Variants in MYT1L observed in about 807,000 individuals in gnomAD.
MYT1L encodes the protein myelin transcription factor 1-like protein.
In MYT1L, 12 loss-of-function variants were observed where a neutral mutation model predicts 126.7. The ratio of observed to expected loss-of-function variants is 0.09; its 90% CI spans 0.06 to 0.15. The LOEUF is 0.15. Among genes scored for constraint, MYT1L ranks in the 10% least tolerant of loss-of-function variants. The pLI, the probability that MYT1L is intolerant of heterozygous loss-of-function variation, is 1.00. For missense variants in MYT1L, 979 were observed against 1,585.2 expected (o/e 0.62, Z 6.49); for synonymous variants, 541 against 604.2 (o/e 0.90, Z 1.53).
At chr2:1,959,809 C>T (rs908015600) in intron 8 of MYT1L, among the ~76,000 whole-genome samples, 1 of 152,154 alleles carries the variant, frequency 6.6e-6, no homozygotes, top group African/African-American at 2.4e-5. Context: ...ACAGTGCAGC[C>T]ACATACGGTG....
At chr2:2,222,507 A>T (rs11694233) in intron 2 of MYT1L, among the ~76,000 whole-genome samples, 100,454 of 149,294 alleles carry the variant, frequency 0.67, 33,572 homozygotes, top group East Asian at 0.78. Context: ...AAAAAAAAAA[A>T]TTTTTTTTTG....
In MYT1L at chr2:1,842,878, C is replaced by T. The variant is rs533771380; in HGVS notation, c.2775-2035G>A. 4.3e-5 allele frequency: 6 copies of T among 139,514 alleles called. No homozygotes were observed. The South Asian group carries it at 9.6e-4, about 22-fold the overall frequency. 8.6% of individuals were successfully genotyped at this position (139,514 alleles called of 1,614,324 possible). On this transcript the variant is annotated intron_variant, in intron 19 of 24. Coordinates refer to ENST00000647738, the MANE Select transcript of MYT1L (RefSeq NM_001303052.2). ...TCCTCGTCTGTCCAGCTTCCGCTTC[C>T]AGGCGCTTCCGCTTCCAGGCGCTTC...
chr2:2,307,813 A>G (rs1289084177), intron 1 of MYT1L, among the ~76,000 whole-genome samples: 1 of 143,188 alleles, frequency 7.0e-6, no homozygotes, highest in Non-Finnish European at 1.5e-5. Flanking sequence ...GTTTCAGTAC[A>G]CTCTATCTAT....
chr2:2,264,937 A>C (rs2095084651), intron 2 of MYT1L, among the ~76,000 whole-genome samples: 2 of 152,338 alleles, frequency 1.3e-5, no homozygotes, highest in South Asian at 4.1e-4. Flanking sequence ...GTAAAAGCAC[A>C]ACATTTGGAG....
At chr2:1,840,089 T>C (rs2041462838) in intron 20 of MYT1L, among the ~76,000 whole-genome samples, 1 of 152,276 alleles carries the variant, frequency 6.6e-6, no homozygotes, top group Non-Finnish European at 1.5e-5. Flanking sequence ...CAGAAAAGTT[T>C]GCATTCCTCA....
At chr2:1,814,601 G>A (rs1343597560) in intron 21 of MYT1L, among the ~76,000 whole-genome samples, 2 of 152,148 alleles carry the variant, frequency 1.3e-5, no homozygotes, top group African/African-American at 4.8e-5. Context: ...TTCGGCTTTT[G>A]CAGAAACTGC....
intron 4 of MYT1L, among the ~76,000 whole-genome samples, chr2:2,001,315 C>G (rs1017644215): frequency 3.6e-5 from 5 of 140,202 alleles, no homozygotes; most frequent in Non-Finnish European, 7.6e-5. Flanking sequence ...TTACCTTTGA[C>G]TTCCTCAATT....
chr2:2,098,287 G>A (rs2077670749), intron 3 of MYT1L, among the ~76,000 whole-genome samples: 2 of 152,260 alleles, frequency 1.3e-5, no homozygotes, highest in African/African-American at 4.8e-5. Flanking sequence ...GGAGACAGAT[G>A]TCTTTTCAAC....
intron 13 of MYT1L, among the ~76,000 whole-genome samples, chr2:1,905,653 G>A (rs1340589888): frequency 6.6e-6 from 1 of 152,158 alleles, no homozygotes; most frequent in Non-Finnish European, 1.5e-5. Context: ...CACACCTGGA[G>A]GAAGACAGTA....
intron 4 of MYT1L, among the ~76,000 whole-genome samples, chr2:2,000,250 C>T (rs1321080632): frequency 5.9e-5 from 9 of 151,614 alleles, no homozygotes; most frequent in South Asian, 4.2e-4. Context: ...CGAGCCTCTG[C>T]GGCCACAACC....
chr2:2,017,977 C>T (rs772625740), intron 4 of MYT1L, among the ~76,000 whole-genome samples: 1 of 152,158 alleles, frequency 6.6e-6, no homozygotes, highest in Non-Finnish European at 1.5e-5. Flanking sequence ...GTTTTGTACA[C>T]AAGCACTACA....
chr2:1,975,372 T>C (rs558009778), intron 8 of MYT1L, among the ~76,000 whole-genome samples: 21 of 149,144 alleles, frequency 1.4e-4, no homozygotes, highest in Non-Finnish European at 1.0e-4. Context: ...AGCAATAAAA[T>C]TGTAAACTAC....
intron 3 of MYT1L, among the ~76,000 whole-genome samples, chr2:2,168,000 T>A (rs184542745): frequency 0.02 from 3,103 of 151,892 alleles, 87 homozygotes; most frequent in African/African-American, 0.065. Context: ...CATTTTATTT[T>A]AAAAAAAAAT....
rs566319389 is a variant in MYT1L at position 2,126,709 on chromosome 2, GGAGGCA to G, written c.-304+46157_-304+46162del. ...CTCCTCTACTGGGCATGGTCATCTG[GGAGGCA>G]AGGGCTGGGCCTGCTGCCACAGAAG... On this transcript the variant is annotated intron_variant, in intron 3 of 24. Transcript: ENST00000647738. Among the ~76,000 whole-genome samples, 33 of 152,320 alleles carry G rather than the reference GGAGGCA, an allele frequency of 2.2e-4. No homozygotes were observed. The East Asian group carries it at 6.4e-3, about 29-fold the overall frequency.
intron 2 of MYT1L, among the ~76,000 whole-genome samples, chr2:2,236,357 C>T (rs183072102): frequency 1.4e-5 from 2 of 140,064 alleles, no homozygotes; most frequent in East Asian, 2.2e-4. Flanking sequence ...TACATCCCAA[C>T]CCACCCCAGT....
At chr2:1,950,506 G>C (rs780234131) in intron 8 of MYT1L, among the ~76,000 whole-genome samples, 1 of 151,770 alleles carries the variant, frequency 6.6e-6, no homozygotes, top group Admixed American at 6.6e-5. Context: ...ATGGGTGTGG[G>C]ACAGGGAGTG....
chr2:1,904,797 A>ATTTTTT (rs35388568), intron 13 of MYT1L, among the ~76,000 whole-genome samples: 2 of 144,398 alleles, frequency 1.4e-5, no homozygotes, highest in Admixed American at 1.4e-4. Flanking sequence ...CGCCTGGCTA[A>ATTTTTT]TTTTTTTTTT....
At chr2:2,197,840 G>A (rs969409023) in intron 2 of MYT1L, among the ~76,000 whole-genome samples, 2 of 148,876 alleles carry the variant, frequency 1.3e-5, no homozygotes, top group Non-Finnish European at 3.0e-5. Flanking sequence ...CACAACGAAT[G>A]TGTAGAGATG....
intron 14 of MYT1L, among the ~76,000 whole-genome samples, chr2:1,896,869 A>T (rs977834796): frequency 6.6e-6 from 1 of 152,082 alleles, no homozygotes; most frequent in African/African-American, 2.4e-5. Context: ...AACTAAAACG[A>T]CTCTCTGCAT....
Sources: gnomAD v4.1 joint callset for allele counts (sites outside exome capture counted in the v4.1 genomes callset) on GRCh38, gnomAD v4.1.1 for gene constraint, MANE v1.5 for transcripts, NCBI Gene and HGNC (gene_info 2026-07-23, HGNC 2026-07-21) for gene names.